Variants in BRCA2 observed in about 807,000 individuals in gnomAD.
BRCA2 encodes breast cancer type 2 susceptibility protein.
In BRCA2, 203 loss-of-function variants were observed where a neutral mutation model predicts 276.7. The ratio of observed to expected loss-of-function variants is 0.73; its 90% confidence interval spans 0.65 to 0.82. The LOEUF is 0.82. BRCA2 is among the 40% of genes least tolerant of loss of function. The pLI is 0.00. For missense variants in BRCA2, 3,920 were observed against 3,915.0 expected, an observed-to-expected ratio of 1.00 and a Z score of -0.03; for synonymous variants, 1,289 against 1,338.4, an observed-to-expected ratio of 0.96 and a Z score of 0.81.
chr13:32,349,567 G>C (rs1365439753), intron 13 of BRCA2, among the ~76,000 whole-genome samples: 1 of 152,058 alleles, frequency 6.6e-6, no homozygotes, highest in East Asian at 1.9e-4. Flanking sequence ...GGGTACGGTG[G>C]CTCACATGGA....
rs80359115 is a variant in BRCA2, at chr13:32,371,043, C to A, written c.8575C>A (p.Gln2859Lys). ...AGCAGCAAAATATGTGGAGGCCCAA[C>A]AAAAGAGACTAGAAGCCTTATTCAC... ...KEAAKYVEAQ[Q>K]KRLEALFTKI... The change falls in exon 20 of 27, where the codon CAA becomes AAA. Residue 2859 changes from glutamine to lysine, a missense_variant. Gln to Lys is a moderately conservative substitution (Grantham distance 53). Transcript: ENST00000380152. 6.2e-7 allele frequency: 1 copy of A among 1,614,046 alleles called. No homozygotes were observed. Among genetic ancestry groups the A allele is most frequent in the Non-Finnish European group, 8.5e-7 (1 of 1,179,968 alleles).
At position 32,332,940 on chromosome 13, in the gene BRCA2, A is replaced by G. The variant is rs864622352; in HGVS notation, c.1462A>G (p.Ile488Val). ...CTGCATTCTTGCAGTAAAGCAGGCA[A>G]TATCTGGAACTTCTCCAGTGGCTTC... Reference protein sequence around the residue: ...TDCILAVKQAISGTSPVASSF... With the variant: ...TDCILAVKQAVSGTSPVASSF... The change falls in exon 10 of 27, where the codon ATA (isoleucine) becomes GTA (valine). Residue 488 changes from isoleucine to valine, a missense_variant. Coordinates refer to ENST00000380152, the MANE Select transcript of BRCA2 (RefSeq NM_000059.4). 3.1e-6 allele frequency: 5 copies of G among 1,606,930 alleles called. No homozygotes were observed. The highest frequency in any genetic ancestry group is 3.4e-6 in the Non-Finnish European group (4 of 1,178,384).
intron 26 of BRCA2, 54 bp from the exon 27 acceptor site, chr13:32,398,108 G>T: frequency 6.5e-7 from 1 of 1,545,024 alleles, no homozygotes; most frequent in East Asian, 2.2e-5. Context: ...CTTTGATTTA[G>T]TTTTTTATGT....
chr13:32,371,525 C>T (rs2072834335), intron 20 of BRCA2, among the ~76,000 whole-genome samples: 1 of 151,812 alleles, frequency 6.6e-6, no homozygotes, highest in South Asian at 2.1e-4. Context: ...TGCATTTCCT[C>T]ATGATTTATA....
chr13:32,332,182 A>C, intron 9 of BRCA2, 90 bp from the exon 10 acceptor site: 1 of 1,276,052 alleles, frequency 7.8e-7, no homozygotes, highest in Non-Finnish European at 1.1e-6. Context: ...CACATTCTAC[A>C]TAAACTGTTT....
At chr13:32,346,926 T>C in intron 13 of BRCA2, 30 bp downstream of exon 13, 1 of 1,526,930 alleles carries the variant, frequency 6.5e-7, no homozygotes. Context: ...TTCTAAATTC[T>C]AATACAGTAT....
In BRCA2 at chr13:32,379,886, A is replaced by C. The variant is rs876660785; in HGVS notation, c.9090A>C (p.Thr3030=). The change falls in exon 23 of 27, where the codon ACA becomes ACC. Residue 3030 remains threonine, a synonymous_variant. Coordinates refer to ENST00000380152, the MANE Select transcript of BRCA2 (RefSeq NM_000059.4). ...SERANIQLAA[T]KKTQYQQLPV... is the part of the protein sequence containing the mutation. ...GAGCTAACATACAGTTAGCAGCGAC[A>C]AAAAAAACTCAGTATCAACAACTAC... 1 of 1,612,536 alleles carries C rather than the reference A, an allele frequency of 6.2e-7. No homozygotes were observed. Among genetic ancestry groups the C allele is most frequent in the Non-Finnish European group, 8.5e-7 (1 of 1,178,916 alleles).
At chr13:32,368,123 G>A (rs920748261) in intron 18 of BRCA2, among the ~76,000 whole-genome samples, 3 of 138,814 alleles carry the variant, frequency 2.2e-5, no homozygotes, top group Admixed American at 7.8e-5. Flanking sequence ...GGATTCAAGC[G>A]ATTCTCCTGC....
rs9943890 is a variant in BRCA2 at position 32,353,975 on chromosome 13, G to A, written c.7008-886G>A. ...GGATAAAGGATATTTTCATTGTTAGGTGATAATTTAAGCAATGGAAATGAC... is the reference window on the plus strand; with the variant it reads ...GGATAAAGGATATTTTCATTGTTAGATGATAATTTAAGCAATGGAAATGAC... On this transcript the variant is annotated intron_variant, in intron 13 of 26. Transcript: ENST00000380152. 0.26 allele frequency among the ~76,000 whole-genome samples: 39,189 copies of A among 152,106 alleles called. 5,281 individuals carry two copies. Among genetic ancestry groups the A allele is most frequent in the Non-Finnish European group, 0.27 (18,282 of 67,996 alleles).
chr13:32,368,630 T>A (rs1222178231), intron 18 of BRCA2, among the ~76,000 whole-genome samples: 1 of 152,018 alleles, frequency 6.6e-6, no homozygotes, highest in Non-Finnish European at 1.5e-5. Flanking sequence ...GTGAGGCTTG[T>A]CAGCTCATAG....
chr13:32,367,538 T>C (rs2072792491), intron 18 of BRCA2, among the ~76,000 whole-genome samples: 1 of 151,160 alleles, frequency 6.6e-6, no homozygotes, highest in Non-Finnish European at 1.5e-5. Context: ...GCACAGTGTC[T>C]CACGCGTGTA....
Position 32,338,722 on chromosome 13 carries a change from A to G in BRCA2, c.4367A>G (p.Glu1456Gly), listed in dbSNP as rs878853584. Residue 1456 changes from glutamate to glycine, a missense_variant, in exon 11 of 27, where the codon GAA becomes GGA. Glu to Gly is a moderately conservative substitution (Grantham distance 98). Around this residue, in one of 2 missense-constraint regions of BRCA2, gnomAD observed 3,263 missense variants for 3,156.9 expected, o/e 1.03. Transcript: ENST00000380152. ...IVNFFDQKPE[E>G]LHNFSLNSEL... ...AATTTCTTTGATCAGAAACCAGAAG[A>G]ATTGCATAACTTTTCCTTAAATTCT... 1 of 1,598,424 alleles carries G rather than the reference A, an allele frequency of 6.3e-7. No individual in the cohort carries two copies. The highest frequency in any genetic ancestry group is 8.5e-7 in the Non-Finnish European group (1 of 1,170,366).
intron 4 of BRCA2, 63 bp from the exon 5 acceptor site, chr13:32,326,038 A>G (rs2137448938): frequency 1.4e-6 from 2 of 1,380,854 alleles, no homozygotes; most frequent in Non-Finnish European, 2.0e-6. Context: ...TTTAAAAATA[A>G]GATAAACTAG....
chr13:32,392,589 CA>C lies in BRCA2; in HGVS notation c.9257-2082del, dbSNP rs10577567. 0.67 allele frequency among the ~76,000 whole-genome samples: 89,456 copies of C among 133,758 alleles called. 29,678 individuals carry two copies. Among genetic ancestry groups the C allele is most frequent in the East Asian group, 0.87 (3,821 of 4,398 alleles). The allele number at this position is 133,758 out of a possible 152,430, so 87.8% of individuals were successfully genotyped here. A position where few individuals can be genotyped will look rare whatever the true frequency, so the allele number is the denominator to read the frequency against. On this transcript the variant is annotated intron_variant, in intron 24 of 26. Transcript: ENST00000380152. ...TAGGCCACAGAGTGAGACTGCGTCTCAAAAAAAAAAAAAAAAAATTATAACT... is the reference window on the plus strand; with the variant it reads ...TAGGCCACAGAGTGAGACTGCGTCTCAAAAAAAAAAAAAAAAATTATAACT...
chr13:32,389,152 C>G (rs1372362936), intron 24 of BRCA2, among the ~76,000 whole-genome samples: 1 of 152,132 alleles, frequency 6.6e-6, no homozygotes, highest in Non-Finnish European at 1.5e-5. Flanking sequence ...TTCTACCACT[C>G]TAAGTGAAGT....
At position 32,371,027 on chromosome 13, in the gene BRCA2, A is replaced by G. The variant is rs1057520669; in HGVS notation, c.8559A>G (p.Lys2853=). 6.2e-7 allele frequency: 1 copy of G among 1,614,186 alleles called. No individual in the cohort carries two copies. The highest frequency in any genetic ancestry group is 8.5e-7 in the Non-Finnish European group (1 of 1,180,016). ...GAGAGGAAGAAAAGGAAGCAGCAAA[A>G]TATGTGGAGGCCCAACAAAAGAGAC... ...NEREEEKEAA[K]YVEAQQKRLE... is the part of the protein sequence containing the mutation. The change falls in exon 20 of 27, where the codon AAA becomes AAG. Residue 2853 remains lysine (K), a synonymous_variant. Coordinates refer to ENST00000380152, the MANE Select transcript of BRCA2 (RefSeq NM_000059.4).
At chr13:32,320,801 T>C (rs2072301420) in intron 3 of BRCA2, among the ~76,000 whole-genome samples, 1 of 152,216 alleles carries the variant, frequency 6.6e-6, no homozygotes, top group African/African-American at 2.4e-5. Flanking sequence ...TTATTTGCTT[T>C]AGAAAGCCTA....
intron 3 of BRCA2, among the ~76,000 whole-genome samples, chr13:32,322,969 A>G (rs1391003278): frequency 5.9e-5 from 9 of 152,172 alleles, no homozygotes; most frequent in Admixed American, 1.3e-4. Context: ...TAGTAAGAGT[A>G]TGTTTAGTTT....
chr13:32,323,679 C>T (rs1329821129), intron 3 of BRCA2, among the ~76,000 whole-genome samples: 1 of 152,088 alleles, frequency 6.6e-6, no homozygotes, highest in Non-Finnish European at 1.5e-5. Context: ...TAAATTTGGT[C>T]TTCACTTTAT....
Sources: allele counts gnomAD v4.1 joint callset (sites outside exome capture counted in the v4.1 genomes callset), GRCh38; gene constraint gnomAD v4.1.1; regional missense constraint gnomAD v4.1.1; transcripts MANE v1.5; gene names NCBI Gene and HGNC (gene_info 2026-07-23, HGNC 2026-07-21).